MAF: variants seen among roughly 807,000 people sequenced by gnomAD.
The protein encoded by MAF is transcription factor Maf.
A neutral mutation model predicts 22.0 loss-of-function variants in MAF; 10 were observed. The observed-to-expected ratio is 0.45, with a 90% CI of 0.28 to 0.77. The LOEUF (loss-of-function observed/expected upper bound fraction) is 0.77. Among genes scored for constraint, MAF ranks in the 30% least tolerant of loss-of-function variants. The pLI is 0.12. For synonymous variants in MAF, 337 were observed against 255.8 expected (o/e 1.32, Z -3.03); for missense variants, 544 against 548.4 (o/e 0.99, Z 0.08).
At chr16:79,387,294 C>T in the MAF span, among the ~76,000 whole-genome samples, 2 of 152,178 alleles carry the variant, frequency 1.3e-5, no homozygotes, top group Non-Finnish European at 2.9e-5. Flanking sequence ...TCTCCATAAG[C>T]ATGTCTAAGG....
the MAF span, among the ~76,000 whole-genome samples, chr16:79,415,340 T>G: frequency 2.5e-5 from 3 of 119,302 alleles, no homozygotes; most frequent in African/African-American, 8.3e-5. Context: ...GGAGGGAGGA[T>G]GAACAGGCAG....
the MAF span, among the ~76,000 whole-genome samples, chr16:79,231,131 C>T: frequency 1.3e-5 from 2 of 152,072 alleles, no homozygotes; most frequent in Admixed American, 1.3e-4. Flanking sequence ...ATAGCAGGGA[C>T]AGCCACGATA....
rs2143815210 is a variant in MAF at position 79,599,616 on chromosome 16, C to T, written c.287G>A (p.Gly96Asp). ...AHLEDYYWMT[G>D]YPQQLNPEAL... ...CTCGGGGTTCAGCTGCTGCGGGTAG[C>T]CGGTCATCCAGTAGTAGTCTTCCAG... Residue 96 changes from glycine (G) to aspartate (D), a missense_variant, in exon 1 of 2, where the codon GGC (glycine) becomes GAC (aspartate). Gly to Asp is a moderately conservative substitution (Grantham distance 94). Around this residue, in one of 5 missense-constraint regions of MAF, gnomAD observed 342 missense variants for 315.5 expected, o/e 1.08. Coordinates refer to ENST00000326043, the MANE Select transcript of MAF (RefSeq NM_005360.5). 1 of 1,610,696 alleles carries T rather than the reference C, an allele frequency of 6.2e-7. No homozygotes were observed. The highest frequency in any genetic ancestry group is 8.5e-7 in the Non-Finnish European group (1 of 1,179,152).
chr16:79,205,849 T>G, the MAF span: 1 of 152,154 alleles, frequency 6.6e-6, no homozygotes, highest in Non-Finnish European at 1.5e-5. Context: ...GCAAACCTGA[T>G]GAAACACTCC....
the MAF span, among the ~76,000 whole-genome samples, chr16:79,351,957 C>G: frequency 2.0e-5 from 3 of 152,266 alleles, no homozygotes; most frequent in East Asian, 5.8e-4. Context: ...CCAAGATAAG[C>G]ATGCCGGGAC....
the MAF span, among the ~76,000 whole-genome samples, chr16:79,580,749 A>G: frequency 6.6e-6 from 1 of 152,144 alleles, no homozygotes; most frequent in South Asian, 2.1e-4. Flanking sequence ...AAGCTCATGT[A>G]GCCTGTGCAC....
chr16:79,214,001 G>A, the MAF span, among the ~76,000 whole-genome samples: 2 of 152,074 alleles, frequency 1.3e-5, no homozygotes, highest in Non-Finnish European at 2.9e-5. Flanking sequence ...CCTCGAACAT[G>A]CCAAGCACAC....
chr16:79,465,778 C>G, the MAF span, among the ~76,000 whole-genome samples: 1 of 152,070 alleles, frequency 6.6e-6, no homozygotes, highest in Non-Finnish European at 1.5e-5. Flanking sequence ...AAAGAGGGAG[C>G]TGTAGTAGGG....
At chr16:79,523,814 A>G in the MAF span, among the ~76,000 whole-genome samples, 5 of 152,356 alleles carry the variant, frequency 3.3e-5, no homozygotes, top group African/African-American at 1.2e-4. Context: ...AGCAAAGCCT[A>G]TGGATAGATT....
intron 1 of MAF, chr16:79,594,794 C>T: frequency 7.6e-7 from 1 of 1,310,210 alleles, no homozygotes; most frequent in Non-Finnish European, 9.8e-7. Flanking sequence ...ATGCCTTTTA[C>T]TAGGAGTTAA....
the MAF span, among the ~76,000 whole-genome samples, chr16:79,561,114 T>C: frequency 6.6e-6 from 1 of 152,182 alleles, no homozygotes. Flanking sequence ...AAATTCCACA[T>C]GTGATGAAAT....
chr16:79,404,166 T>C, the MAF span, among the ~76,000 whole-genome samples: 1 of 47,826 alleles, frequency 2.1e-5, no homozygotes, highest in African/African-American at 5.8e-5. Flanking sequence ...TGGATTTTCT[T>C]TTTTTTTTTT....
chr16:79,520,264 A>G, the MAF span, among the ~76,000 whole-genome samples: 1 of 152,110 alleles, frequency 6.6e-6, no homozygotes, highest in Non-Finnish European at 1.5e-5. Flanking sequence ...GAGCCCTTCT[A>G]TCCTTCCATG....
chr16:79,380,662 G>A, the MAF span, among the ~76,000 whole-genome samples: 10 of 152,156 alleles, frequency 6.6e-5, no homozygotes, highest in African/African-American at 2.2e-4. Context: ...CCTCTCTGAC[G>A]ATGATCAGTA....
chr16:79,463,678 A>G, the MAF span, among the ~76,000 whole-genome samples: 3,075 of 152,312 alleles, frequency 0.02, 62 homozygotes, highest in African/African-American at 0.052. Flanking sequence ...TTTGACACCT[A>G]GGTTGGCATT....
chr16:79,251,496 T>C, the MAF span, among the ~76,000 whole-genome samples: 267 of 152,188 alleles, frequency 1.8e-3, 1 homozygote, highest in Non-Finnish European at 3.0e-3. Context: ...TTTGTATTTT[T>C]AGTAGAGACG....
the MAF span, among the ~76,000 whole-genome samples, chr16:79,230,903 C>A: frequency 6.6e-6 from 1 of 152,088 alleles, no homozygotes; most frequent in South Asian, 2.1e-4. Flanking sequence ...TTTTTCTGAT[C>A]CTACGGGGTA....
At chr16:79,527,199 T>C in the MAF span, among the ~76,000 whole-genome samples, 1 of 152,184 alleles carries the variant, frequency 6.6e-6, no homozygotes, top group Non-Finnish European at 1.5e-5. Context: ...CTTCGTCCCC[T>C]AAAGTTTCCC....
chr16:79,289,000 G>A, the MAF span, among the ~76,000 whole-genome samples: 1 of 152,238 alleles, frequency 6.6e-6, no homozygotes, highest in Non-Finnish European at 1.5e-5. Context: ...AAAGTGTTGG[G>A]ATTACAGGCG....
Sources: allele counts gnomAD v4.1 joint callset (sites outside exome capture counted in the v4.1 genomes callset), GRCh38; gene constraint gnomAD v4.1.1; regional missense constraint gnomAD v4.1.1; transcripts MANE v1.5; gene names NCBI Gene and HGNC (gene_info 2026-07-23, HGNC 2026-07-21).